The following FHIP1A variants were observed in gnomAD, a reference collection of about 807,000 sequenced individuals.
FHIP1A encodes the protein FHF complex subunit HOOK-interacting protein 1A.
FHIP1A carries 61 observed loss-of-function variants against 88.6 expected under a neutral mutation model. That is an observed-to-expected ratio of 0.69 (90% CI 0.56 to 0.85). FHIP1A has a LOEUF of 0.85. Among genes scored for constraint, FHIP1A ranks in the 40% least tolerant of loss-of-function variants. The probability of loss-of-function intolerance (pLI) is 0.00; values close to 1 mark genes in which losing one functional copy is unlikely to be tolerated. For synonymous variants in FHIP1A, 478 were observed against 496.0 expected (o/e 0.96, Z 0.48); for missense variants, 1,154 against 1,273.5 (o/e 0.91, Z 1.43).
chr4:151,463,272 T>TA (rs1398363906), intron 2 of FHIP1A, among the ~76,000 whole-genome samples: 1 of 152,214 alleles, frequency 6.6e-6, no homozygotes, highest in East Asian at 1.9e-4. Flanking sequence ...GAGACCATCT[T>TA]TTCTTCCTAC....
intron 4 of FHIP1A, among the ~76,000 whole-genome samples, chr4:151,575,240 G>A (rs1560777111): frequency 6.6e-6 from 1 of 152,188 alleles, no homozygotes; most frequent in East Asian, 1.9e-4. Context: ...TTATAGAACT[G>A]ATAAGGCATG....
intron 1 of FHIP1A, among the ~76,000 whole-genome samples, chr4:151,441,195 A>C (rs1561495909): frequency 6.6e-6 from 1 of 152,200 alleles, no homozygotes; most frequent in Non-Finnish European, 1.5e-5. Flanking sequence ...TCGTGAATGA[A>C]TCACAAATCC....
chr4:151,581,506 T>A lies in FHIP1A; in HGVS notation c.732+3430T>A, dbSNP rs1734025271. On this transcript the variant is annotated intron_variant, in intron 5 of 13. Coordinates refer to ENST00000435205, the MANE Select transcript of FHIP1A (RefSeq NM_001109977.3). ...TCATAAGCAGATTTTAGTTGAGCAT[T>A]GCTTTTATAAAAACATATTTTAAAA... Among the ~76,000 whole-genome samples the A allele has an allele frequency of 2.0e-5, 3 of 152,192 alleles. No homozygotes were observed. The South Asian group carries it at 6.2e-4, about 32-fold the overall frequency.
chr4:151,639,055 G>A (rs1034675329), intron 9 of FHIP1A, among the ~76,000 whole-genome samples: 1 of 152,162 alleles, frequency 6.6e-6, no homozygotes, highest in African/African-American at 2.4e-5. Context: ...TATTATAAAA[G>A]CTATTCTGGT....
chr4:151,496,478 A>C (rs1226204274), intron 3 of FHIP1A, among the ~76,000 whole-genome samples: 1 of 151,956 alleles, frequency 6.6e-6, no homozygotes, highest in African/African-American at 2.4e-5. Flanking sequence ...GTTGACCCTT[A>C]AGAAAGATAA....
At chr4:151,548,502 C>T (rs1578738420) in intron 3 of FHIP1A, among the ~76,000 whole-genome samples, 2 of 152,142 alleles carry the variant, frequency 1.3e-5, no homozygotes, top group East Asian at 3.9e-4. Context: ...AGTGAAAAAG[C>T]CAGCTAAAAC....
chr4:151,446,804 T>C (rs945515846), intron 1 of FHIP1A, among the ~76,000 whole-genome samples: 4 of 152,146 alleles, frequency 2.6e-5, no homozygotes, highest in Admixed American at 1.3e-4. Flanking sequence ...ATACTTGTGG[T>C]GCTTGGTGCT....
chr4:151,577,178 A>C, intron 4 of FHIP1A, among the ~76,000 whole-genome samples: 1 of 152,176 alleles, frequency 6.6e-6, no homozygotes, highest in East Asian at 1.9e-4. Flanking sequence ...CATGTAGCTT[A>C]ATTTATATAA....
At chr4:151,608,025 TTCTTTCTTCTTC>T (rs1386254588) in intron 7 of FHIP1A, among the ~76,000 whole-genome samples, 35 of 145,752 alleles carry the variant, frequency 2.4e-4, no homozygotes, top group African/African-American at 7.3e-4. Context: ...TCTTTTCTTT[TTCTTTCTTCTTC>T]TTTTTTTTTT....
At chr4:151,484,875 TC>T (rs1326993675) in intron 3 of FHIP1A, among the ~76,000 whole-genome samples, 1 of 152,188 alleles carries the variant, frequency 6.6e-6, no homozygotes, top group African/African-American at 2.4e-5. Flanking sequence ...TAGAAGGCTC[TC>T]CTTTCTAATG....
rs111229392 is a variant in FHIP1A, at chr4:151,668,404, C to T, written c.*5650C>T. On this transcript the variant is annotated 3_prime_UTR_variant, in exon 14 of 14. Transcript: ENST00000435205. ...AAGCTGAAGGAGGGTGTGTACTTTC[C>T]GAAACTTCGAGGCCATCTTAGTAAT... Among the ~76,000 whole-genome samples the T allele has an allele frequency of 8.5e-5, 13 of 152,216 alleles. 1 individual carries two copies. Among genetic ancestry groups the T allele is most frequent in the African/African-American group, 2.6e-4 (11 of 41,536 alleles).
intron 3 of FHIP1A, among the ~76,000 whole-genome samples, chr4:151,558,532 C>G (rs28628365): frequency 0.15 from 23,040 of 151,162 alleles, 3,222 homozygotes; most frequent in African/African-American, 0.35. Context: ...CATCCTGTCT[C>G]AAACAAAACA....
intron 7 of FHIP1A, among the ~76,000 whole-genome samples, chr4:151,628,871 T>G (rs1036381456): frequency 6.6e-6 from 1 of 152,226 alleles, no homozygotes; most frequent in Non-Finnish European, 1.5e-5. Context: ...AGGACAAAGA[T>G]GTATATGCTA....
At chr4:151,500,677 A>G (rs1175836833) in intron 3 of FHIP1A, among the ~76,000 whole-genome samples, 1 of 152,332 alleles carries the variant, frequency 6.6e-6, no homozygotes, top group East Asian at 1.9e-4. Context: ...AGCCTAAGGT[A>G]CTATTAATGG....
Position 151,668,257 on chromosome 4 carries a change from C to T in FHIP1A, c.*5503C>T, listed in dbSNP as rs1737734997. Among the ~76,000 whole-genome samples the T allele has an allele frequency of 6.6e-6, 1 of 152,090 alleles. No homozygotes were observed. Among genetic ancestry groups the T allele is most frequent in the Admixed American group, 6.6e-5 (1 of 15,266 alleles). Reference sequence around the variant, plus strand: ...AAAGAATATGGCCTTTCAGATAGATCTGGTGGCTTTTCCCCAATAGTCACC... The same window carrying T: ...AAAGAATATGGCCTTTCAGATAGATTTGGTGGCTTTTCCCCAATAGTCACC... On this transcript the variant is annotated 3_prime_UTR_variant, in exon 14 of 14. Coordinates refer to ENST00000435205, the MANE Select transcript of FHIP1A (RefSeq NM_001109977.3).
chr4:151,638,728 G>A lies in FHIP1A; in HGVS notation c.1198G>A (p.Glu400Lys), dbSNP rs934137505. The change falls in exon 9 of 14, where the codon GAA (glutamate) becomes AAA (lysine). Residue 400 changes from glutamate (E) to lysine (K), a missense_variant. Glu to Lys is a moderately conservative substitution (Grantham distance 56). Coordinates refer to ENST00000435205, the MANE Select transcript of FHIP1A (RefSeq NM_001109977.3). ...LFRTLIGLHC[E>K]DVMLQLVLRY... is the part of the protein sequence containing the mutation. ...CAGAACTCTCATTGGTTTACATTGTGAAGATGTGATGTTACAGCTAGTTCT... is the reference window on the plus strand; with the variant it reads ...CAGAACTCTCATTGGTTTACATTGTAAAGATGTGATGTTACAGCTAGTTCT... The A allele has an allele frequency of 6.5e-7, 1 of 1,549,968 alleles. No homozygotes were observed. The highest frequency in any genetic ancestry group is 1.4e-5 in the African/African-American group (1 of 72,992).
intron 9 of FHIP1A, among the ~76,000 whole-genome samples, chr4:151,640,098 G>A (rs991246029): frequency 3.3e-5 from 5 of 152,150 alleles, no homozygotes; most frequent in African/African-American, 9.7e-5. Flanking sequence ...GTCTCCTCTC[G>A]GACCTACTGA....
chr4:151,660,984 C>T (rs568569530), intron 13 of FHIP1A, among the ~76,000 whole-genome samples: 11 of 152,342 alleles, frequency 7.2e-5, no homozygotes, highest in South Asian at 2.1e-4. Flanking sequence ...GTGGCAGACT[C>T]TGTGGTCTTA....
intron 3 of FHIP1A, among the ~76,000 whole-genome samples, chr4:151,497,919 A>T (rs1040737846): frequency 8.5e-5 from 13 of 152,170 alleles, no homozygotes; most frequent in African/African-American, 3.1e-4. Context: ...ATCAGATTTG[A>T]TATCAGATCA....
Sources: allele counts gnomAD v4.1 joint callset (sites outside exome capture counted in the v4.1 genomes callset), GRCh38; gene constraint gnomAD v4.1.1; transcripts MANE v1.5; gene names NCBI Gene and HGNC (gene_info 2026-07-23, HGNC 2026-07-21).